MTHFD1: variants seen among roughly 807,000 people sequenced by gnomAD.
The protein encoded by MTHFD1 is methylenetetrahydrofolate dehydrogenase, cyclohydrolase and formyltetrahydrofolate synthetase 1.
In MTHFD1, 44 loss-of-function variants were observed where a neutral mutation model predicts 110.3. The ratio of observed to expected loss-of-function variants is 0.40; its 90% CI spans 0.31 to 0.51. MTHFD1 has a LOEUF of 0.51. MTHFD1 is among the 20% of genes least tolerant of loss of function. The pLI, the probability that MTHFD1 is intolerant of heterozygous loss-of-function variation, is 0.60. For missense variants in MTHFD1, 909 were observed against 1,173.1 expected (o/e 0.77, Z 3.29); for synonymous variants, 402 against 428.8 (o/e 0.94, Z 0.77).
At chr14:64,428,799 A>G (rs1320296424) in intron 12 of MTHFD1, among the ~76,000 whole-genome samples, 1 of 147,936 alleles carries the variant, frequency 6.8e-6, no homozygotes, top group African/African-American at 2.5e-5. Context: ...TGATCTGCCC[A>G]CCTTGGCCTC....
intron 26 of MTHFD1, among the ~76,000 whole-genome samples, chr14:64,456,338 G>A (rs1487040140): frequency 6.6e-6 from 1 of 152,174 alleles, no homozygotes; most frequent in Non-Finnish European, 1.5e-5. Context: ...TGCCGTTGGG[G>A]CCTTAACGAG....
In MTHFD1 at chr14:64,454,770, G is replaced by A. The variant is rs747252839; in HGVS notation, c.2613G>A (p.Leu871=). Residue 871 remains leucine, a synonymous_variant, in exon 26 of 28, where the codon TTG becomes TTA. Coordinates refer to ENST00000652337, the MANE Select transcript of MTHFD1 (RefSeq NM_005956.4). ...GCATGGCTAAAACACACTTGTCTTT[G>A]TCTCACAACCCAGAGCAAAAAGGTG... The part of the protein sequence containing the change: ...PICMAKTHLS[L]SHNPEQKGVP... 2 of 1,613,994 alleles carry A rather than the reference G, an allele frequency of 1.2e-6. No homozygotes were observed. Among genetic ancestry groups the A allele is most frequent in the Admixed American group, 3.3e-5 (2 of 60,026 alleles).
At chr14:64,450,413 A>G (rs1275590786) in intron 24 of MTHFD1, among the ~76,000 whole-genome samples, 12 of 152,162 alleles carry the variant, frequency 7.9e-5, no homozygotes, top group Admixed American at 7.9e-4. Context: ...GGGCCCTCAC[A>G]TGCAAAACCA....
In MTHFD1 at chr14:64,441,459, C is replaced by A. The variant is rs888965517; in HGVS notation, c.1884+6C>A. ...ATCTCATGCAGACACTGGAGGTGAGCAGAGTGACTCCTGCCTTCTTGAATT... is the reference window on the plus strand; with the variant it reads ...ATCTCATGCAGACACTGGAGGTGAGAAGAGTGACTCCTGCCTTCTTGAATT... On this transcript the variant is annotated splice_donor_region_variant and intron_variant, in intron 19 of 27. Transcript: ENST00000652337. The A allele has an allele frequency of 8.7e-6, 14 of 1,613,532 alleles. No individual in the cohort carries two copies. Among genetic ancestry groups the A allele is most frequent in the Admixed American group, 3.3e-5 (2 of 59,974 alleles).
rs777892594 is a variant in MTHFD1 at position 64,453,826 on chromosome 14, G to A, written c.2530G>A (p.Glu844Lys). The change falls in exon 25 of 28, where the codon GAA becomes AAA. Residue 844 changes from glutamate (E) to lysine (K), a missense_variant. Coordinates refer to ENST00000652337, the MANE Select transcript of MTHFD1 (RefSeq NM_005956.4). ...YGADDIELLP[E>K]AQHKAEVYTK... Reference sequence around the variant, plus strand: ...AGCAGATGACATTGAATTACTTCCCGAAGCTCAACACAAAGCTGAAGTCTA... The same window carrying A: ...AGCAGATGACATTGAATTACTTCCCAAAGCTCAACACAAAGCTGAAGTCTA... The A allele has an allele frequency of 9.2e-5, 148 of 1,612,138 alleles. 1 individual carries two copies. In the South Asian group the frequency reaches 1.4e-3, roughly 15 times the overall value.
At chr14:64,415,811 A>C (rs919672833) in intron 6 of MTHFD1, 72 bp downstream of exon 6, 1 of 1,450,194 alleles carries the variant, frequency 6.9e-7, no homozygotes, top group African/African-American at 1.4e-5. Flanking sequence ...GGTGGCATAG[A>C]GGAGGTACAT....
intron 26 of MTHFD1, among the ~76,000 whole-genome samples, chr14:64,455,790 T>G (rs1156395840): frequency 1.3e-5 from 2 of 152,252 alleles, no homozygotes; most frequent in Non-Finnish European, 2.9e-5. Context: ...GATCTTGGCC[T>G]TGGGCAAATT....
At chr14:64,439,772 T>C (rs905834847) in intron 17 of MTHFD1, among the ~76,000 whole-genome samples, 2 of 151,822 alleles carry the variant, frequency 1.3e-5, no homozygotes, top group African/African-American at 4.8e-5. Context: ...CACGCGCCTG[T>C]AATCCCAGCT....
intron 19 of MTHFD1, 67 bp from the exon 20 acceptor site, chr14:64,441,987 G>A (rs575027000): frequency 1.3e-5 from 13 of 1,018,650 alleles, no homozygotes; most frequent in South Asian, 3.8e-5. Flanking sequence ...ATTCCATACC[G>A]TTGAATGTGT....
intron 19 of MTHFD1, 119 bp downstream of exon 19, chr14:64,441,572 C>T (rs1276179056): frequency 1.3e-5 from 11 of 832,928 alleles, no homozygotes; most frequent in Admixed American, 4.0e-5. Context: ...TTTGGGAGGC[C>T]AAGGTGGGCA....
At chr14:64,411,262 C>T in intron 3 of MTHFD1, 113 bp downstream of exon 3, 7 of 774,116 alleles carry the variant, frequency 9.0e-6, no homozygotes, top group South Asian at 2.8e-5. Flanking sequence ...CCACAGGAGA[C>T]ATTAGTTTAT....
intron 2 of MTHFD1, among the ~76,000 whole-genome samples, chr14:64,402,327 C>A (rs995331358): frequency 6.6e-6 from 1 of 152,198 alleles, no homozygotes; most frequent in Admixed American, 6.6e-5. Flanking sequence ...GAATCATTAA[C>A]ATCACCAACA....
At chr14:64,455,670 A>C (rs58870286) in intron 26 of MTHFD1, among the ~76,000 whole-genome samples, 72 of 152,322 alleles carry the variant, frequency 4.7e-4, no homozygotes, top group African/African-American at 1.7e-3. Flanking sequence ...ACCAACATAC[A>C]TCCTTTTGGA....
intron 26 of MTHFD1, 155 bp downstream of exon 26, chr14:64,455,030 T>A: frequency 1.3e-6 from 1 of 777,430 alleles, no homozygotes; most frequent in East Asian, 2.5e-5. Flanking sequence ...TCATAAGCTA[T>A]AAAGCAGGAG....
At chr14:64,401,953 T>C (rs8006686) in intron 2 of MTHFD1, among the ~76,000 whole-genome samples, 32,671 of 152,132 alleles carry the variant, frequency 0.21, 3,987 homozygotes, top group African/African-American at 0.33. Flanking sequence ...GCTGGTTTGA[T>C]TGAAATATAT....
At chr14:64,453,323 G>A (rs186899179) in intron 24 of MTHFD1, among the ~76,000 whole-genome samples, 216 of 152,172 alleles carry the variant, frequency 1.4e-3, no homozygotes, top group African/African-American at 4.9e-3. Context: ...TGTAATCCCA[G>A]CACTTTGGGA....
intron 15 of MTHFD1, among the ~76,000 whole-genome samples, chr14:64,432,919 G>C (rs1379575637): frequency 6.6e-6 from 1 of 151,930 alleles, no homozygotes; most frequent in Non-Finnish European, 1.5e-5. Flanking sequence ...ACCACACCTG[G>C]CTAATTTTTT....
intron 7 of MTHFD1, 132 bp downstream of exon 7, chr14:64,418,156 C>A: frequency 8.3e-7 from 1 of 1,198,586 alleles, no homozygotes; most frequent in Non-Finnish European, 1.2e-6. Context: ...AAAACAAATT[C>A]AAATTAAAGG....
At position 64,427,526 on chromosome 14, in the gene MTHFD1, G is replaced by T. The variant is rs549426565; in HGVS notation, c.1264+53G>T. ...TGACAGGGGACCTGCTTCTCCTTCA[G>T]TCCTCCCAGGCCCACGCAACCTATG... On this transcript the variant is annotated intron_variant, in intron 12 of 27. Coordinates refer to ENST00000652337, the MANE Select transcript of MTHFD1 (RefSeq NM_005956.4). 1.9e-5 allele frequency: 30 copies of T among 1,587,526 alleles called. No homozygotes were observed. The South Asian group carries it at 2.9e-4, about 15-fold the overall frequency.
Sources: gnomAD v4.1 joint callset for allele counts (sites outside exome capture counted in the v4.1 genomes callset) on GRCh38, gnomAD v4.1.1 for gene constraint, MANE v1.5 for transcripts, NCBI Gene and HGNC (gene_info 2026-07-23, HGNC 2026-07-21) for gene names.